PDE1A: variants seen among roughly 807,000 people sequenced by gnomAD.
PDE1A encodes phosphodiesterase 1A.
Under a neutral mutation model 61.7 loss-of-function variants are expected in PDE1A, and 35 were observed. The observed-to-expected ratio is 0.57, with a 90% CI of 0.43 to 0.75. PDE1A has a LOEUF of 0.75. Among genes scored for constraint, PDE1A ranks in the 30% least tolerant of loss-of-function variants. The pLI, the probability that PDE1A is intolerant of heterozygous loss-of-function variation, is 0.00. For synonymous variants in PDE1A, 232 were observed against 213.2 expected, an observed-to-expected ratio of 1.09 and a Z score of -0.77; for missense variants, 597 against 630.6, an observed-to-expected ratio of 0.95 and a Z score of 0.57.
the PDE1A span, among the ~76,000 whole-genome samples, chr2:182,687,941 A>C: frequency 6.6e-6 from 1 of 152,240 alleles, no homozygotes; most frequent in Admixed American, 6.5e-5. Context: ...ATTGAAGATC[A>C]AATGAATGAA....
intron 1 of PDE1A, among the ~76,000 whole-genome samples, chr2:182,299,904 C>T (rs190548924): frequency 1.8e-4 from 28 of 152,204 alleles, no homozygotes; most frequent in Admixed American, 5.9e-4. Context: ...ATTGTATTGA[C>T]GACAGCATGC....
At chr2:182,662,074 G>A in the PDE1A span, among the ~76,000 whole-genome samples, 1 of 151,898 alleles carries the variant, frequency 6.6e-6, no homozygotes, top group Non-Finnish European at 1.5e-5. Context: ...TATGATAGGG[G>A]AGAGGGGGCT....
the PDE1A span, among the ~76,000 whole-genome samples, chr2:182,558,971 A>T: frequency 6.6e-6 from 1 of 152,208 alleles, no homozygotes; most frequent in South Asian, 2.1e-4. Context: ...TTCTTTGATC[A>T]TCGCTAATAT....
chr2:182,333,531 A>G (rs755285103), intron 1 of PDE1A, among the ~76,000 whole-genome samples: 1 of 152,222 alleles, frequency 6.6e-6, no homozygotes, highest in Non-Finnish European at 1.5e-5. Flanking sequence ...TTTGAAACCA[A>G]TGAGAACAAA....
the PDE1A span, among the ~76,000 whole-genome samples, chr2:182,545,641 C>T: frequency 3.3e-5 from 5 of 152,270 alleles, no homozygotes; most frequent in Admixed American, 6.5e-5. Flanking sequence ...TGCTTTATGG[C>T]TCAGAGCTCA....
At chr2:182,499,335 C>T (rs1688949067) in intron 2 of PDE1A, among the ~76,000 whole-genome samples, 1 of 151,994 alleles carries the variant, frequency 6.6e-6, no homozygotes, top group South Asian at 2.1e-4. Flanking sequence ...CGCAACTGTA[C>T]TCCGCTAATT....
the PDE1A span, among the ~76,000 whole-genome samples, chr2:182,564,556 T>C: frequency 6.6e-6 from 1 of 152,172 alleles, no homozygotes. Context: ...TTGAGGAGTA[T>C]CTTTGTGGCG....
At chr2:182,564,359 C>A in the PDE1A span, among the ~76,000 whole-genome samples, 9 of 152,156 alleles carry the variant, frequency 5.9e-5, 1 homozygote, top group Non-Finnish European at 1.2e-4. Flanking sequence ...AAATTCTTTT[C>A]TTTAAGAATG....
chr2:182,617,777 C>T, the PDE1A span, among the ~76,000 whole-genome samples: 3 of 152,174 alleles, frequency 2.0e-5, no homozygotes. Flanking sequence ...TACTCATCTT[C>T]ATCATCAAGT....
At chr2:182,408,613 C>T (rs1435861899) in intron 1 of PDE1A, among the ~76,000 whole-genome samples, 1 of 152,066 alleles carries the variant, frequency 6.6e-6, no homozygotes, top group African/African-American at 2.4e-5. Flanking sequence ...TAATTTTTTC[C>T]CTAAAAGATC....
At chr2:182,427,032 G>A (rs1027284992) in exon 1 of PDE1A, 2 of 995,694 alleles carry the variant, frequency 2.0e-6, no homozygotes, top group South Asian at 4.6e-5. Context: ...GTCAAGCTCC[G>A]AAAGGCTAAG....
chr2:182,349,277 G>C (rs899460032), intron 1 of PDE1A, among the ~76,000 whole-genome samples: 2 of 152,104 alleles, frequency 1.3e-5, no homozygotes, highest in Non-Finnish European at 2.9e-5. Flanking sequence ...GATAAACATA[G>C]AATCTGTCTG....
the PDE1A span, among the ~76,000 whole-genome samples, chr2:182,650,314 G>C: frequency 3.3e-5 from 5 of 152,184 alleles, no homozygotes. Flanking sequence ...ACTGGTCTCT[G>C]GGCTAAATAA....
intron 2 of PDE1A, among the ~76,000 whole-genome samples, chr2:182,488,575 C>G (rs1320762586): frequency 6.6e-6 from 1 of 152,104 alleles, no homozygotes; most frequent in African/African-American, 2.4e-5. Flanking sequence ...TATACTATTA[C>G]TAAAACAATG....
At chr2:182,348,455 T>A (rs998027255) in intron 1 of PDE1A, among the ~76,000 whole-genome samples, 4 of 152,084 alleles carry the variant, frequency 2.6e-5, no homozygotes, top group Admixed American at 6.6e-5. Flanking sequence ...TCAGCCCACA[T>A]CACCTAACAG....
chr2:182,265,601 G>A (rs1156385336), intron 1 of PDE1A, among the ~76,000 whole-genome samples: 1 of 152,094 alleles, frequency 6.6e-6, no homozygotes, highest in Admixed American at 6.6e-5. Flanking sequence ...ATTAATCTTA[G>A]TGTATTAAGC....
chr2:182,621,255 CTG>C, the PDE1A span, among the ~76,000 whole-genome samples: 3 of 152,216 alleles, frequency 2.0e-5, no homozygotes, highest in African/African-American at 7.2e-5. Flanking sequence ...ATCCTTCTCT[CTG>C]TGACTCAGAA....
At chr2:182,240,087 G>T (rs1195217954) in intron 3 of PDE1A, 23 bp downstream of exon 3, 1 of 1,602,818 alleles carries the variant, frequency 6.2e-7, no homozygotes, top group Non-Finnish European at 8.5e-7. Flanking sequence ...TTACTGTCTT[G>T]AGATACCAAC....
chr2:182,170,483 G>T (rs1206943789), intron 13 of PDE1A, among the ~76,000 whole-genome samples: 1 of 151,458 alleles, frequency 6.6e-6, no homozygotes. Flanking sequence ...GCTAGTCTTT[G>T]GGGTAAGGTT....
Sources: gnomAD v4.1 joint callset for allele counts (sites outside exome capture counted in the v4.1 genomes callset) on GRCh38, gnomAD v4.1.1 for gene constraint, MANE v1.5 for transcripts, NCBI Gene and HGNC (gene_info 2026-07-23, HGNC 2026-07-21) for gene names.